VWDE: variants seen among roughly 807,000 people sequenced by gnomAD.
VWDE encodes von Willebrand factor D and EGF domains.
Under a neutral mutation model 178.4 loss-of-function variants are expected in VWDE, and 207 were observed. The ratio of observed to expected loss-of-function variants is 1.16; its 90% CI spans 1.04 to 1.30. The LOEUF is 1.30. VWDE is among the 50% of genes most tolerant of loss of function. The pLI is 0.00. For synonymous variants in VWDE, 738 were observed against 651.4 expected (o/e 1.13, Z -2.02); for missense variants, 2,287 against 1,901.3 (o/e 1.20, Z -3.77).
chr7:12,393,585 T>G lies in VWDE; in HGVS notation c.243+9A>C, dbSNP rs760714715. 1 of 1,531,318 alleles carries G rather than the reference T, an allele frequency of 6.5e-7. No individual in the cohort carries two copies. The allele number at this position is 1,531,318 out of a possible 1,614,324, so 94.9% of individuals were successfully genotyped here. On this transcript the variant is annotated intron_variant, in intron 2 of 28. Coordinates refer to ENST00000275358, the MANE Select transcript of VWDE (RefSeq NM_001135924.3). ...AAAATAACATGCAGTACTTAGGGAG[T>G]TGACATACCTCAACACATTTGGTTG...
intron 28 of VWDE, among the ~76,000 whole-genome samples, chr7:12,331,540 G>A (rs1348331400): frequency 6.6e-6 from 1 of 152,088 alleles, no homozygotes; most frequent in East Asian, 1.9e-4. Flanking sequence ...TCTCTGAAGT[G>A]TCTTTCCCCA....
chr7:12,351,455 T>G, intron 19 of VWDE, 118 bp downstream of exon 19: 2 of 1,096,642 alleles, frequency 1.8e-6, no homozygotes, highest in East Asian at 5.5e-5. Flanking sequence ...CCGCATCATA[T>G]AACCTTTAGG....
rs1010590747 is a variant in VWDE, at chr7:12,380,666, C to G, written c.609G>C (p.Glu203Asp). ...AAGAACACCTACAGAAAAGCCTGGA[C>G]TCAATCAACTCCACCAGAACCTCTG... Reference protein sequence around the residue: ...GRPEVLVELIESRLFCRCSFD... With the variant: ...GRPEVLVELIDSRLFCRCSFD... Residue 203 changes from glutamate to aspartate, a missense_variant, in exon 5 of 29, where the codon GAG (glutamate) becomes GAC (aspartate). By Grantham distance (45) the Glu-to-Asp change is conservative. Coordinates refer to ENST00000275358, the MANE Select transcript of VWDE (RefSeq NM_001135924.3). 4 of 1,552,090 alleles carry G rather than the reference C, an allele frequency of 2.6e-6. No individual in the cohort carries two copies. The highest frequency in any genetic ancestry group is 3.5e-6 in the Non-Finnish European group (4 of 1,147,088).
Position 12,375,077 on chromosome 7 carries a change from T to C in VWDE, c.1175A>G (p.Asn392Ser). 6.4e-7 allele frequency: 1 copy of C among 1,551,332 alleles called. No homozygotes were observed. Among genetic ancestry groups the C allele is most frequent in the Non-Finnish European group, 8.7e-7 (1 of 1,146,716 alleles). Residue 392 changes from asparagine (N) to serine (S), a missense_variant, in exon 8 of 29, where the codon AAC becomes AGC. Physicochemically the swap from Asn to Ser is conservative, Grantham distance 46. Coordinates refer to ENST00000275358, the MANE Select transcript of VWDE (RefSeq NM_001135924.3). The part of the protein sequence containing the change: ...DFSRDGDRVS[N>S]IVVQPIVNED... ...ATTAACTATTGGTTGCACTACAATG[T>C]TTGAGACTCTATCTCCATCTCGAGA...
At chr7:12,391,951 A>G (rs1784409500) in intron 2 of VWDE, among the ~76,000 whole-genome samples, 1 of 152,336 alleles carries the variant, frequency 6.6e-6, no homozygotes, top group South Asian at 2.1e-4. Context: ...GTGTATAATT[A>G]TATAGGGTAA....
chr7:12,335,906 C>T (rs1203193092), intron 27 of VWDE, among the ~76,000 whole-genome samples: 2 of 152,050 alleles, frequency 1.3e-5, no homozygotes, highest in Non-Finnish European at 2.9e-5. Context: ...ATCCACAGAC[C>T]ATAATTTGAA....
chr7:12,347,675 T>C (rs1583285222), intron 19 of VWDE, among the ~76,000 whole-genome samples: 2 of 152,064 alleles, frequency 1.3e-5, no homozygotes, highest in East Asian at 1.9e-4. Context: ...TTCAATGCCA[T>C]CCCCATCAAG....
At chr7:12,399,270 G>C (rs1255810068) in intron 1 of VWDE, among the ~76,000 whole-genome samples, 1 of 152,072 alleles carries the variant, frequency 6.6e-6, no homozygotes, top group East Asian at 1.9e-4. Context: ...AAAGAAAGGT[G>C]GTGTGGCTGT....
chr7:12,356,226 G>A lies in VWDE; in HGVS notation c.3630C>T (p.Phe1210=), dbSNP rs543430533. 7.4e-5 allele frequency: 115 copies of A among 1,551,384 alleles called. 1 individual carries two copies. Among genetic ancestry groups the A allele is most frequent in the Non-Finnish European group, 9.6e-5 (110 of 1,146,968 alleles). ...GVYLCVCLPG[F]HGSLCEVDIS... ...TGTCCACTTCACAAAGGCTGCCATG[G>A]AAGCCAGGCAAGCAGACACACAGGT... Residue 1210 remains phenylalanine, a synonymous_variant, in exon 18 of 29, where the codon TTC becomes TTT. Transcript: ENST00000275358.
intron 2 of VWDE, among the ~76,000 whole-genome samples, chr7:12,393,257 G>C (rs1784468502): frequency 6.6e-6 from 1 of 152,148 alleles, no homozygotes; most frequent in African/African-American, 2.4e-5. Context: ...TCAAAACTCA[G>C]CTTTTTGACC....
intron 2 of VWDE, among the ~76,000 whole-genome samples, chr7:12,393,306 T>C (rs1362089612): frequency 4.6e-5 from 7 of 152,178 alleles, no homozygotes; most frequent in Non-Finnish European, 8.8e-5. Flanking sequence ...CCTAAGAATA[T>C]ATGTTTTCTG....
intron 3 of VWDE, among the ~76,000 whole-genome samples, chr7:12,388,630 T>C (rs113841408): frequency 1.2e-3 from 188 of 152,330 alleles, no homozygotes; most frequent in African/African-American, 4.3e-3. Flanking sequence ...TTAGATATTG[T>C]CTGAAGCATT....
At chr7:12,350,972 G>A (rs59243529) in intron 19 of VWDE, among the ~76,000 whole-genome samples, 2,327 of 152,160 alleles carry the variant, frequency 0.015, 52 homozygotes, top group African/African-American at 0.053. Flanking sequence ...ACTATAAACC[G>A]TAGTGTACAT....
At chr7:12,383,452 C>T (rs1783952193) in intron 4 of VWDE, 84 bp downstream of exon 4, 2 of 1,092,148 alleles carry the variant, frequency 1.8e-6, no homozygotes, top group Non-Finnish European at 2.7e-6. Flanking sequence ...TATAATTCAA[C>T]ATCCAAAGCT....
At chr7:12,343,912 A>G (rs1781460503) in intron 21 of VWDE, among the ~76,000 whole-genome samples, 1 of 152,136 alleles carries the variant, frequency 6.6e-6, no homozygotes, top group Non-Finnish European at 1.5e-5. Flanking sequence ...ATTTGTAGAT[A>G]TATAGTACCT....
intron 18 of VWDE, chr7:12,354,418 T>A (rs1445172941): frequency 9.0e-6 from 4 of 443,446 alleles, no homozygotes; most frequent in Non-Finnish European, 1.8e-5. Context: ...ACCAAAGGTA[T>A]TCAGGCATGC....
intron 19 of VWDE, among the ~76,000 whole-genome samples, chr7:12,347,086 C>A (rs758890435): frequency 1.2e-4 from 18 of 152,082 alleles, no homozygotes; most frequent in Non-Finnish European, 2.4e-4. Context: ...GTGAGGTAAG[C>A]ACAGTTGTGT....
At chr7:12,376,355 C>T (rs187386883) in intron 7 of VWDE, among the ~76,000 whole-genome samples, 18 of 152,116 alleles carry the variant, frequency 1.2e-4, no homozygotes, top group Admixed American at 6.6e-5. Context: ...TTAAAGAGGA[C>T]AAGATGAGGG....
chr7:12,369,759 A>G lies in VWDE; in HGVS notation c.2547T>C (p.Ser849=). 2 of 1,551,580 alleles carry G rather than the reference A, an allele frequency of 1.3e-6. No individual in the cohort carries two copies. Among genetic ancestry groups the G allele is most frequent in the Non-Finnish European group, 1.7e-6 (2 of 1,146,890 alleles). Residue 849 remains serine (S), a synonymous_variant, in exon 12 of 29, where the codon AGT becomes AGC. Coordinates refer to ENST00000275358, the MANE Select transcript of VWDE (RefSeq NM_001135924.3). ...VKDVLLKDDL[S]WAEAGVALLE... is the part of the protein sequence containing the mutation. Reference sequence around the variant, plus strand: ...AAAGGGCCACACCTGCTTCTGCCCAACTAAGATCATCTTTTAACAGAACAT... The same window carrying G: ...AAAGGGCCACACCTGCTTCTGCCCAGCTAAGATCATCTTTTAACAGAACAT...
Sources: allele counts gnomAD v4.1 joint callset (sites outside exome capture counted in the v4.1 genomes callset), GRCh38; gene constraint gnomAD v4.1.1; transcripts MANE v1.5; gene names NCBI Gene and HGNC (gene_info 2026-07-23, HGNC 2026-07-21).